The following CDH13 variants were observed in gnomAD, a reference collection of about 807,000 sequenced individuals.
CDH13 encodes cadherin 13.
Under a neutral mutation model 63.8 loss-of-function variants are expected in CDH13, and 24 were observed. The observed-to-expected ratio is 0.38, with a 90% CI of 0.27 to 0.53. The LOEUF is 0.53. Among genes scored for constraint, CDH13 ranks in the 20% least tolerant of loss-of-function variants. The pLI is 0.85. For missense variants in CDH13, 1,049 were observed against 903.1 expected (o/e 1.16, Z -2.07); for synonymous variants, 503 against 355.3 (o/e 1.42, Z -4.67).
intron 5 of CDH13, among the ~76,000 whole-genome samples, chr16:83,321,728 T>C (rs531592192): frequency 8.3e-4 from 127 of 152,100 alleles, no homozygotes; most frequent in African/African-American, 3.1e-3. Context: ...CAGGGTTTCA[T>C]CGTGTTAGCC....
chr16:83,121,962 TCACACACACA>T (rs10665608), intron 3 of CDH13, among the ~76,000 whole-genome samples: 1 of 147,412 alleles, frequency 6.8e-6, no homozygotes, highest in Admixed American at 6.8e-5. Flanking sequence ...TTTAAAACTG[TCACACACACA>T]CACACACACA....
At chr16:82,652,119 C>T (rs1196550713) in intron 1 of CDH13, among the ~76,000 whole-genome samples, 1 of 152,222 alleles carries the variant, frequency 6.6e-6, no homozygotes, top group Non-Finnish European at 1.5e-5. Context: ...ATGTGAACGT[C>T]ACTAGCATCC....
intron 2 of CDH13, among the ~76,000 whole-genome samples, chr16:82,864,055 T>C (rs1474872143): frequency 1.3e-5 from 2 of 152,218 alleles, no homozygotes; most frequent in Admixed American, 1.3e-4. Context: ...GAAAAGTCAG[T>C]TCTTTGAGTA....
chr16:83,332,967 A>G (rs530639438), intron 5 of CDH13, among the ~76,000 whole-genome samples: 212 of 152,350 alleles, frequency 1.4e-3, no homozygotes, highest in African/African-American at 4.7e-3. Flanking sequence ...TGTACCTCTA[A>G]GCAGAGCAGG....
At chr16:83,085,621 G>A (rs946152277) in intron 3 of CDH13, among the ~76,000 whole-genome samples, 1 of 152,202 alleles carries the variant, frequency 6.6e-6, no homozygotes, top group Non-Finnish European at 1.5e-5. Context: ...TGCAAAGGAG[G>A]CTGACACAGC....
At chr16:82,768,572 C>T (rs1001479227) in intron 1 of CDH13, among the ~76,000 whole-genome samples, 2 of 152,170 alleles carry the variant, frequency 1.3e-5, no homozygotes, top group African/African-American at 4.8e-5. Context: ...TAGGGTATAG[C>T]CTTGATCTCT....
chr16:83,585,161 A>G (rs536013107), intron 7 of CDH13, among the ~76,000 whole-genome samples: 11 of 152,212 alleles, frequency 7.2e-5, no homozygotes, highest in African/African-American at 2.6e-4. Context: ...GCCATACCCT[A>G]AGCTGGCGTG....
rs569347240 is a variant in CDH13, at chr16:83,346,779, AT to A, written c.781+1779del. On this transcript the variant is annotated intron_variant, in intron 6 of 13. Coordinates refer to ENST00000567109, the MANE Select transcript of CDH13 (RefSeq NM_001257.5). The stretch of plus-strand genomic sequence containing the variant: ...TCTTTATGCACATGTTATTTTGTGT[AT>A]TTTTTATGTATGTTTTTTGTGTATT... Among the ~76,000 whole-genome samples the A allele has an allele frequency of 7.2e-5, 11 of 152,226 alleles. No homozygotes were observed. The South Asian group carries it at 1.2e-3, about 17-fold the overall frequency.
At chr16:83,009,467 T>A (rs1278480764) in intron 2 of CDH13, among the ~76,000 whole-genome samples, 1 of 152,190 alleles carries the variant, frequency 6.6e-6, no homozygotes, top group Non-Finnish European at 1.5e-5. Flanking sequence ...TCTCTCACTT[T>A]TTTTCCTCCA....
intron 6 of CDH13, among the ~76,000 whole-genome samples, chr16:83,403,339 A>T (rs949747851): frequency 1.3e-5 from 2 of 152,116 alleles, no homozygotes; most frequent in African/African-American, 2.4e-5. Context: ...GATATGTTTG[A>T]TGTACTGAAC....
chr16:83,021,701 T>C (rs976337079), intron 2 of CDH13, among the ~76,000 whole-genome samples: 1 of 152,224 alleles, frequency 6.6e-6, no homozygotes, highest in Non-Finnish European at 1.5e-5. Flanking sequence ...GACTGTTTTA[T>C]GTTTGTTCTG....
At chr16:83,443,735 AATATATATAT>A (rs1192288855) in intron 6 of CDH13, among the ~76,000 whole-genome samples, 1,015 of 19,950 alleles carry the variant, frequency 0.051, 17 homozygotes, top group African/African-American at 0.11. Flanking sequence ...AAAAAAAAAA[AATATATATAT>A]ATATATATAT....
At position 83,078,887 on chromosome 16, in the gene CDH13, C is replaced by T. The variant is rs1193995637; in HGVS notation, c.367-46498C>T. The stretch of plus-strand genomic sequence containing the variant: ...TTGGCTCACTGCAACCTCCGCCTCC[C>T]AGGTTCCAGCAATTCTCCTGCCTCA... On this transcript the variant is annotated intron_variant, in intron 3 of 13. Transcript: ENST00000567109. 2.0e-5 allele frequency among the ~76,000 whole-genome samples: 3 copies of T among 152,258 alleles called. 1 individual carries two copies. The highest frequency in any genetic ancestry group is 2.0e-4 in the Admixed American group (3 of 15,290).
intron 10 of CDH13, among the ~76,000 whole-genome samples, chr16:83,738,589 G>A (rs2150960090): frequency 6.6e-6 from 1 of 152,286 alleles, no homozygotes; most frequent in African/African-American, 2.4e-5. Flanking sequence ...TTCCTTGGGG[G>A]TTTCAATATG....
intron 1 of CDH13, among the ~76,000 whole-genome samples, chr16:82,857,923 C>T (rs909166951): frequency 1.3e-5 from 2 of 152,184 alleles, no homozygotes; most frequent in African/African-American, 4.8e-5. Context: ...TTAACAGGTC[C>T]TGGATTCCTT....
intron 5 of CDH13, among the ~76,000 whole-genome samples, chr16:83,253,344 G>A (rs1266121840): frequency 6.6e-6 from 1 of 152,198 alleles, no homozygotes; most frequent in Non-Finnish European, 1.5e-5. Context: ...TTAAACCTCA[G>A]AGCATTGCGT....
Position 83,732,242 on chromosome 16 carries a change from A to G in CDH13, c.1539-15866A>G, listed in dbSNP as rs186948951. On this transcript the variant is annotated intron_variant, in intron 10 of 13. Coordinates refer to ENST00000567109, the MANE Select transcript of CDH13 (RefSeq NM_001257.5). ...GAGAGTCAACAGCTTAATGGGATGG[A>G]GAGTAACTGGAGAAGGCCACCTTAG... is the stretch of plus-strand genomic sequence containing the variant. Among the ~76,000 whole-genome samples the G allele has an allele frequency of 1.6e-3, 240 of 152,290 alleles. 2 individuals carry two copies. The highest frequency in any genetic ancestry group is 5.5e-3 in the African/African-American group (230 of 41,570).
chr16:83,144,640 A>G (rs1263322850), intron 4 of CDH13, among the ~76,000 whole-genome samples: 1 of 152,234 alleles, frequency 6.6e-6, no homozygotes, highest in African/African-American at 2.4e-5. Flanking sequence ...AAAGGCAAAA[A>G]GGCAAAAAGT....
chr16:83,721,324 A>T (rs1285015107), intron 10 of CDH13: 1 of 152,224 alleles, frequency 6.6e-6, no homozygotes, highest in African/African-American at 2.4e-5. Context: ...GCCCTGAAGA[A>T]CGCAGGTTGT....
Sources: allele counts gnomAD v4.1 joint callset (sites outside exome capture counted in the v4.1 genomes callset), GRCh38; gene constraint gnomAD v4.1.1; transcripts MANE v1.5; gene names NCBI Gene and HGNC (gene_info 2026-07-23, HGNC 2026-07-21).